The following TMEM131L variants were observed in gnomAD, a reference collection of about 807,000 sequenced individuals.
The protein encoded by TMEM131L is transmembrane 131 like, also known as transmembrane protein 131-like.
TMEM131L carries 54 observed loss-of-function variants against 192.2 expected under a neutral mutation model. That is an observed-to-expected ratio of 0.28 (90% CI 0.23 to 0.35). TMEM131L has a LOEUF of 0.35. TMEM131L is among the 10% of genes least tolerant of loss of function. The pLI is 1.00. For missense variants in TMEM131L, 1,888 were observed against 1,972.9 expected (o/e 0.96, Z 0.82); for synonymous variants, 701 against 704.9 (o/e 0.99, Z 0.09).
chr4:153,620,898 T>C lies in TMEM131L; in HGVS notation c.3692+18T>C. 3 of 1,564,096 alleles carry C rather than the reference T, an allele frequency of 1.9e-6. No individual in the cohort carries two copies. The highest frequency in any genetic ancestry group is 2.6e-6 in the Non-Finnish European group (3 of 1,162,030). ...GTCTCAAGGTGCGTAATTCTTACTATCTCTAATATTTTGATCTATTTTTCA... is the reference window on the plus strand; with the variant it reads ...GTCTCAAGGTGCGTAATTCTTACTACCTCTAATATTTTGATCTATTTTTCA... On this transcript the variant is annotated intron_variant, in intron 27 of 34. Coordinates refer to ENST00000409959, the MANE Select transcript of TMEM131L (RefSeq NM_001131007.2).
intron 3 of TMEM131L, among the ~76,000 whole-genome samples, chr4:153,478,059 C>T (rs1308988726): frequency 1.1e-4 from 17 of 152,170 alleles, no homozygotes; most frequent in Admixed American, 1.1e-3. Context: ...TTTTATCTTC[C>T]TGATATTAAA....
At chr4:153,468,525 C>T (rs1223659016) in intron 2 of TMEM131L, among the ~76,000 whole-genome samples, 3 of 152,128 alleles carry the variant, frequency 2.0e-5, no homozygotes, top group African/African-American at 4.8e-5. Flanking sequence ...AGAAATCCGT[C>T]GTATTCCTAC....
chr4:153,612,309 A>G lies in TMEM131L; in HGVS notation c.3476A>G (p.Lys1159Arg). Residue 1159 changes from lysine to arginine, a missense_variant, in exon 26 of 35, where the codon AAG becomes AGG. Lys to Arg is a conservative substitution (Grantham distance 26, BLOSUM62 2). Coordinates refer to ENST00000409959, the MANE Select transcript of TMEM131L (RefSeq NM_001131007.2). Reference sequence around the variant, plus strand: ...GTAGATCATTGTGAAAATTTGAAGAAGGTGGACACAAAGCCTTCTTCAGAA... The same window carrying G: ...GTAGATCATTGTGAAAATTTGAAGAGGGTGGACACAAAGCCTTCTTCAGAA... ...NEVDHCENLK[K>R]VDTKPSSEKK... The G allele has an allele frequency of 6.3e-7, 1 of 1,593,664 alleles. No homozygotes were observed. The highest frequency in any genetic ancestry group is 8.5e-7 in the Non-Finnish European group (1 of 1,173,252).
intron 9 of TMEM131L, 78 bp downstream of exon 9, chr4:153,581,638 G>A: frequency 2.0e-6 from 2 of 999,930 alleles, no homozygotes; most frequent in South Asian, 5.5e-5. Flanking sequence ...TGAACAGATT[G>A]TATCATAGCA....
In TMEM131L at chr4:153,602,842, G is replaced by A. The variant is rs1213165254; in HGVS notation, c.2639+115G>A. 8 of 900,212 alleles carry A rather than the reference G, an allele frequency of 8.9e-6. No individual in the cohort carries two copies. The East Asian group carries it at 1.9e-4, about 22-fold the overall frequency. 55.8% of individuals were successfully genotyped at this position (900,212 alleles called of 1,614,324 possible). A position where few individuals can be genotyped will look rare whatever the true frequency, so the allele number is the denominator to read the frequency against. On this transcript the variant is annotated intron_variant, in intron 23 of 34. Coordinates refer to ENST00000409959, the MANE Select transcript of TMEM131L (RefSeq NM_001131007.2). Reference sequence around the variant, plus strand: ...CAAAGTATATGAATTGAGTGGAATTGTTACTGCTTCAAGAACTGTGACATC... The same window carrying A: ...CAAAGTATATGAATTGAGTGGAATTATTACTGCTTCAAGAACTGTGACATC...
Position 153,584,842 on chromosome 4 carries a change from A to G in TMEM131L, c.1068A>G (p.Thr356=). 1 of 1,613,238 alleles carries G rather than the reference A, an allele frequency of 6.2e-7. No individual in the cohort carries two copies. Among genetic ancestry groups the G allele is most frequent in the East Asian group, 2.2e-5 (1 of 44,876 alleles). The part of the protein sequence containing the change: ...KIASFTCKAA[T]SCDSGIIEDV... ...TTTCTTTATACCACAAAGCAGCTAC[A>G]TCATGTGACAGTGGAATTATAGAAG... is the stretch of plus-strand genomic sequence containing the variant. Residue 356 remains threonine (T), a synonymous_variant, in exon 12 of 35, where the codon ACA becomes ACG. Coordinates refer to ENST00000409959, the MANE Select transcript of TMEM131L (RefSeq NM_001131007.2).
chr4:153,625,779 A>G (rs994739901), intron 29 of TMEM131L, among the ~76,000 whole-genome samples: 2 of 152,016 alleles, frequency 1.3e-5, no homozygotes, highest in Non-Finnish European at 2.9e-5. Flanking sequence ...ATGGTGGTGC[A>G]CACCTGTAAT....
intron 26 of TMEM131L, among the ~76,000 whole-genome samples, chr4:153,618,198 A>G (rs1029844689): frequency 1.3e-5 from 2 of 152,112 alleles, no homozygotes; most frequent in African/African-American, 4.8e-5. Context: ...CATCACCTCT[A>G]TCAGAGAGAT....
At chr4:153,547,130 A>G (rs56110139) in intron 3 of TMEM131L, among the ~76,000 whole-genome samples, 1 of 152,170 alleles carries the variant, frequency 6.6e-6, no homozygotes, top group East Asian at 1.9e-4. Flanking sequence ...AACTTATTTT[A>G]TGACTCTTAG....
At chr4:153,512,440 G>A (rs1450718021) in intron 3 of TMEM131L, among the ~76,000 whole-genome samples, 1 of 152,098 alleles carries the variant, frequency 6.6e-6, no homozygotes, top group East Asian at 1.9e-4. Flanking sequence ...AAAATTCCTG[G>A]AAAGATGAAC....
chr4:153,636,030 C>T (rs1026841993), intron 34 of TMEM131L, among the ~76,000 whole-genome samples: 9 of 152,156 alleles, frequency 5.9e-5, no homozygotes, highest in Admixed American at 2.0e-4. Flanking sequence ...TTCACATCCG[C>T]TTGACACTTG....
intron 3 of TMEM131L, among the ~76,000 whole-genome samples, chr4:153,504,269 T>G (rs1733824053): frequency 2.6e-5 from 1 of 37,934 alleles, no homozygotes; most frequent in East Asian, 8.0e-4. Context: ...GGTCGGCCTT[T>G]TTTTTTTTTT....
chr4:153,580,504 A>G (rs1730258121), intron 7 of TMEM131L, among the ~76,000 whole-genome samples: 1 of 152,238 alleles, frequency 6.6e-6, no homozygotes, highest in Admixed American at 6.5e-5. Context: ...CATCAGAAAC[A>G]CCAAACTCCA....
intron 3 of TMEM131L, among the ~76,000 whole-genome samples, chr4:153,488,294 TG>T (rs910434203): frequency 6.6e-6 from 1 of 152,086 alleles, no homozygotes; most frequent in African/African-American, 2.4e-5. Context: ...CTGAAAGAAG[TG>T]TTCTAAAAAT....
At chr4:153,466,649 C>T in intron 1 of TMEM131L, 128 bp downstream of exon 1, 1 of 924,244 alleles carries the variant, frequency 1.1e-6, no homozygotes, top group East Asian at 3.5e-5. Context: ...GGAAGGAAAG[C>T]TGTTGCGATT....
At chr4:153,488,222 G>A (rs376323285) in intron 3 of TMEM131L, among the ~76,000 whole-genome samples, 7 of 152,294 alleles carry the variant, frequency 4.6e-5, no homozygotes, top group Admixed American at 2.0e-4. Context: ...ATGAGGGTGC[G>A]TGAGTGCACC....
chr4:153,599,466 C>T (rs1731678101), intron 21 of TMEM131L, among the ~76,000 whole-genome samples: 1 of 152,058 alleles, frequency 6.6e-6, no homozygotes, highest in Non-Finnish European at 1.5e-5. Context: ...ATCACTTGAG[C>T]TTAGGAGTTT....
chr4:153,488,089 G>A (rs1188949384), intron 3 of TMEM131L, among the ~76,000 whole-genome samples: 2 of 150,264 alleles, frequency 1.3e-5, no homozygotes, highest in East Asian at 3.9e-4. Flanking sequence ...TGAGCCTGTG[G>A]CTGAGTTTTG....
chr4:153,605,227 A>T (rs1732138325), intron 25 of TMEM131L, among the ~76,000 whole-genome samples: 1 of 152,234 alleles, frequency 6.6e-6, no homozygotes, highest in Non-Finnish European at 1.5e-5. Flanking sequence ...GTAGACTAGG[A>T]GGATGACCTC....
Sources: gnomAD v4.1 joint callset for allele counts (sites outside exome capture counted in the v4.1 genomes callset) on GRCh38, gnomAD v4.1.1 for gene constraint, MANE v1.5 for transcripts, NCBI Gene and HGNC (gene_info 2026-07-23, HGNC 2026-07-21) for gene names.